The following MAF variants were observed in gnomAD, a reference collection of about 807,000 sequenced individuals.
MAF encodes the protein MAF bZIP transcription factor.
In MAF, 10 loss-of-function variants were observed where a neutral mutation model predicts 22.0. The observed-to-expected ratio is 0.45, with a 90% confidence interval of 0.28 to 0.77. The LOEUF (loss-of-function observed/expected upper bound fraction) is 0.77, where lower values mean the gene tolerates loss of function less well. MAF is among the 30% of genes least tolerant of loss of function. The pLI, the probability that MAF is intolerant of heterozygous loss-of-function variation, is 0.12. For missense variants in MAF, 544 were observed against 548.4 expected, an observed-to-expected ratio of 0.99 and a Z score of 0.08; for synonymous variants, 337 against 255.8, an observed-to-expected ratio of 1.32 and a Z score of -3.03.
the MAF span, among the ~76,000 whole-genome samples, chr16:79,227,266 GC>G: frequency 1.3e-5 from 2 of 152,008 alleles, no homozygotes; most frequent in Non-Finnish European, 2.9e-5. Context: ...TAGGGGGATC[GC>G]CTGGGCCTGG....
chr16:79,258,816 C>A, the MAF span, among the ~76,000 whole-genome samples: 4 of 152,298 alleles, frequency 2.6e-5, no homozygotes, highest in South Asian at 4.1e-4. Context: ...CCCCAGCCCA[C>A]CCCCAAGGTC....
At chr16:79,552,097 C>T in the MAF span, among the ~76,000 whole-genome samples, 1 of 152,158 alleles carries the variant, frequency 6.6e-6, no homozygotes, top group Non-Finnish European at 1.5e-5. Context: ...GACCCCCCTG[C>T]CCTCTTCCAA....
chr16:79,582,416 C>T (rs557144236), downstream of MAF, among the ~76,000 whole-genome samples: 16 of 152,240 alleles, frequency 1.1e-4, no homozygotes, highest in African/African-American at 3.4e-4. Context: ...TTTTTTATTT[C>T]TAAATGCTTA....
the MAF span, among the ~76,000 whole-genome samples, chr16:79,432,683 G>T: frequency 6.6e-6 from 1 of 152,130 alleles, no homozygotes; most frequent in African/African-American, 2.4e-5. Flanking sequence ...AAGTCATACT[G>T]GAGTAGGATG....
chr16:79,236,105 G>C, the MAF span, among the ~76,000 whole-genome samples: 10,518 of 152,128 alleles, frequency 0.069, 559 homozygotes, highest in Middle Eastern at 0.15. Context: ...CCTCTGGAGT[G>C]GGCTTCCACA....
chr16:79,271,176 A>G, the MAF span, among the ~76,000 whole-genome samples: 1 of 151,024 alleles, frequency 6.6e-6, no homozygotes, highest in Admixed American at 6.6e-5. Flanking sequence ...TTGGCCTCCC[A>G]AAGTGCTGGG....
At chr16:79,420,240 C>CT in the MAF span, among the ~76,000 whole-genome samples, 3 of 152,186 alleles carry the variant, frequency 2.0e-5, no homozygotes, top group Non-Finnish European at 4.4e-5. Flanking sequence ...CATCAGTGTT[C>CT]TTGTATGGCG....
chr16:79,272,010 G>A, the MAF span, among the ~76,000 whole-genome samples: 2 of 152,090 alleles, frequency 1.3e-5, no homozygotes, highest in Non-Finnish European at 2.9e-5. Context: ...CTCCAAATAG[G>A]TCCGTTCACA....
chr16:79,517,378 C>G, the MAF span, among the ~76,000 whole-genome samples: 5 of 152,214 alleles, frequency 3.3e-5, no homozygotes, highest in African/African-American at 1.2e-4. Context: ...TGTGCTGTTT[C>G]ACTTAATTAC....
chr16:79,536,011 T>G, the MAF span, among the ~76,000 whole-genome samples: 2 of 152,228 alleles, frequency 1.3e-5, no homozygotes, highest in Non-Finnish European at 2.9e-5. Flanking sequence ...GAATCAGGAT[T>G]ATGTCCAATT....
chr16:79,567,344 C>T, the MAF span, among the ~76,000 whole-genome samples: 1 of 151,940 alleles, frequency 6.6e-6, no homozygotes, highest in East Asian at 1.9e-4. Context: ...CAAATATTAG[C>T]TAGAGGGGTC....
chr16:79,439,670 T>C, the MAF span, among the ~76,000 whole-genome samples: 1 of 152,160 alleles, frequency 6.6e-6, no homozygotes, highest in Non-Finnish European at 1.5e-5. Context: ...GATGGAAAGA[T>C]GCAAAACCAT....
chr16:79,389,328 C>T, the MAF span, among the ~76,000 whole-genome samples: 1 of 152,182 alleles, frequency 6.6e-6, no homozygotes, highest in East Asian at 1.9e-4. Flanking sequence ...GTGGCACAGT[C>T]TTGGTTCACT....
chr16:79,317,834 CTG>C, the MAF span, among the ~76,000 whole-genome samples: 1 of 152,178 alleles, frequency 6.6e-6, no homozygotes, highest in African/African-American at 2.4e-5. Flanking sequence ...TCAAAGCTGA[CTG>C]TGTTTTCTAG....
the MAF span, among the ~76,000 whole-genome samples, chr16:79,372,862 A>G: frequency 5.3e-5 from 8 of 151,782 alleles, no homozygotes; most frequent in African/African-American, 1.9e-4. Flanking sequence ...ATACTCACCT[A>G]TTTCTCACCC....
the MAF span, among the ~76,000 whole-genome samples, chr16:79,289,144 G>C: frequency 2.0e-5 from 3 of 152,202 alleles, no homozygotes; most frequent in African/African-American, 7.2e-5. Flanking sequence ...CTAAGAAAAT[G>C]TCACTCGATT....
the MAF span, among the ~76,000 whole-genome samples, chr16:79,295,263 A>G: frequency 2.0e-5 from 3 of 152,174 alleles, no homozygotes; most frequent in Non-Finnish European, 4.4e-5. Context: ...ATTTCAGCCA[A>G]ATTAAATGTA....
chr16:79,583,344 C>T (rs1352158426), downstream of MAF, among the ~76,000 whole-genome samples: 1 of 152,170 alleles, frequency 6.6e-6, no homozygotes. Context: ...ATGTCCACTC[C>T]ATCTGCCGAT....
chr16:79,504,386 C>T, the MAF span, among the ~76,000 whole-genome samples: 1 of 152,180 alleles, frequency 6.6e-6, no homozygotes, highest in Admixed American at 6.5e-5. Flanking sequence ...AGAATGAATT[C>T]CAGTTCAGCT....
Sources: gnomAD v4.1 joint callset for allele counts (sites outside exome capture counted in the v4.1 genomes callset) on GRCh38, gnomAD v4.1.1 for gene constraint, MANE v1.5 for transcripts, NCBI Gene and HGNC (gene_info 2026-07-23, HGNC 2026-07-21) for gene names.